Variants in ATP1B2 observed in about 807,000 individuals in gnomAD.
ATP1B2 encodes the protein ATPase Na+/K+ transporting subunit beta 2.
Under a neutral mutation model 37.3 loss-of-function variants are expected in ATP1B2, and 12 were observed. The ratio of observed to expected loss-of-function variants is 0.32; its 90% CI spans 0.21 to 0.52. The LOEUF is 0.52. Ranked by LOEUF, ATP1B2 falls within the 20% of genes least tolerant of loss-of-function variation. The probability of loss-of-function intolerance (pLI) is 0.96; values close to 1 mark genes in which losing one functional copy is unlikely to be tolerated. For missense variants in ATP1B2, 324 were observed against 391.6 expected (o/e 0.83, Z 1.46); for synonymous variants, 139 against 140.5 (o/e 0.99, Z 0.07).
chr17:7,653,338 C>T (rs767892080), intron 1 of ATP1B2, 36 bp from the exon 2 acceptor site: 1 of 1,612,992 alleles, frequency 6.2e-7, no homozygotes, highest in Non-Finnish European at 8.5e-7. Context: ...ATGGTGGGAA[C>T]CTTGGGCCCT....
Position 7,653,859 on chromosome 17 carries a change from A to C in ATP1B2, c.260A>C (p.Lys87Thr). 6.2e-7 allele frequency: 1 copy of C among 1,614,170 alleles called. No individual in the cohort carries two copies. Among genetic ancestry groups the C allele is most frequent in the East Asian group, 2.2e-5 (1 of 44,890 alleles). ...GCTGTAGGCTTGATGATTCGCCCCA[A>C]GACTGAGAACCTTGATGTCATTGTC... ...LATPGLMIRP[K>T]TENLDVIVNV... Residue 87 changes from lysine to threonine, a missense_variant, in exon 3 of 7, where the codon AAG becomes ACG. Lys to Thr is a moderately conservative substitution (Grantham distance 78, BLOSUM62 -1). Transcript: ENST00000250111.
upstream of ATP1B2, among the ~76,000 whole-genome samples, chr17:7,648,462 G>A (rs1031306335): frequency 4.7e-5 from 7 of 149,638 alleles, no homozygotes; most frequent in East Asian, 7.9e-4. Flanking sequence ...CCAGCTACCC[G>A]GGAGACTGAG....
In ATP1B2 at chr17:7,655,706, A is replaced by G; in HGVS notation, c.709-25A>G. ...GGAGGCCGCGTTGCCCCAGGCCTAG[A>G]CCCTGCACTGCTCCTCCGGCCCAGG... On this transcript the variant is annotated intron_variant, in intron 6 of 6. Transcript: ENST00000250111. The surrounding 1 kb of genome is among the most constrained non-coding windows in gnomAD (Gnocchi z 4.4). 6.2e-7 allele frequency: 1 copy of G among 1,613,884 alleles called. No individual in the cohort carries two copies.
In ATP1B2 at chr17:7,655,021, TCCC is replaced by T. The variant is rs2150978524; in HGVS notation, c.609+338_609+340del. 6.6e-6 allele frequency among the ~76,000 whole-genome samples: 1 copy of T among 152,126 alleles called. No individual in the cohort carries two copies. The highest frequency in any genetic ancestry group is 2.1e-4 in the South Asian group (1 of 4,804). ...GATTGTCCGTATCGTTCGCTCTCCC[TCCC>T]ATATGGCCCCCACCCGTCAGTTCCT... is the stretch of plus-strand genomic sequence containing the variant. On this transcript the variant is annotated intron_variant, in intron 5 of 6. Transcript: ENST00000250111. This position sits in a 1 kb window ranked among gnomAD's most constrained non-coding sequence, Gnocchi z 4.4.
Position 7,654,111 on chromosome 17 carries a change from G to A in ATP1B2, c.406G>A (p.Glu136Lys), listed in dbSNP as rs139562417. Residue 136 changes from glutamate to lysine, a missense_variant, in exon 4 of 7, where the codon GAA (glutamate) becomes AAA (lysine). By Grantham distance (56) the Glu-to-Lys change is moderately conservative. Transcript: ENST00000250111. The surrounding 1 kb of genome is among the most constrained non-coding windows in gnomAD (Gnocchi z 4.9). ...TGTCTGCCGCCCTGGACGCTATTAC[G>A]AACAGCCAGATAATGGAGTCCTCAA... ...NDVCRPGRYY[E>K]QPDNGVLNYP... is the part of the protein sequence containing the mutation. 1.2e-4 allele frequency: 198 copies of A among 1,614,012 alleles called. 1 individual carries two copies. Among genetic ancestry groups the A allele is most frequent in the East Asian group, 6.7e-5 (3 of 44,894 alleles).
upstream of ATP1B2, among the ~76,000 whole-genome samples, chr17:7,649,762 G>A (rs1301215877): frequency 6.6e-6 from 1 of 151,636 alleles, no homozygotes; most frequent in Non-Finnish European, 1.5e-5. Context: ...GTTTCACTGT[G>A]TTATCCAGGA....
chr17:7,654,106 A>G lies in ATP1B2; in HGVS notation c.401A>G (p.Tyr134Cys). 1 of 1,614,160 alleles carries G rather than the reference A, an allele frequency of 6.2e-7. No individual in the cohort carries two copies. Among genetic ancestry groups the G allele is most frequent in the Non-Finnish European group, 8.5e-7 (1 of 1,180,034 alleles). Residue 134 changes from tyrosine (Y) to cysteine (C), a missense_variant, in exon 4 of 7, where the codon TAT (tyrosine) becomes TGT (cysteine). Coordinates refer to ENST00000250111, the MANE Select transcript of ATP1B2 (RefSeq NM_001678.5). The surrounding 1 kb of genome is among the most constrained non-coding windows in gnomAD (Gnocchi z 4.9). ...QKNDVCRPGR[Y>C]YEQPDNGVLN... ...AATGATGTCTGCCGCCCTGGACGCT[A>G]TTACGAACAGCCAGATAATGGAGTC...
intron 1 of ATP1B2, among the ~76,000 whole-genome samples, chr17:7,652,311 AT>A (rs952519260): frequency 1.4e-5 from 2 of 141,178 alleles, no homozygotes; most frequent in Non-Finnish European, 3.1e-5. Flanking sequence ...CAGGCTGACC[AT>A]GGCAGGACTC....
rs1398504933 is a variant in ATP1B2 at position 7,655,635 on chromosome 17, A to AG, written c.708+14dup. On this transcript the variant is annotated intron_variant, in intron 6 of 6. Transcript: ENST00000250111. The surrounding 1 kb of genome is among the most constrained non-coding windows in gnomAD (Gnocchi z 4.4). The stretch of plus-strand genomic sequence containing the variant: ...TGGCAAAAAGTTCCACGTAAGTCCC[A>AG]GGGGAGGCCCAGGCTGATGGCGGGT... 2 of 1,614,150 alleles carry AG rather than the reference A, an allele frequency of 1.2e-6. No homozygotes were observed. The highest frequency in any genetic ancestry group is 1.7e-6 in the Non-Finnish European group (2 of 1,180,026).
rs776106709 is a variant in ATP1B2, at chr17:7,654,100, G to A, written c.395G>A (p.Gly132Glu). 3 of 1,614,154 alleles carry A rather than the reference G, an allele frequency of 1.9e-6. No homozygotes were observed. The South Asian group carries it at 3.3e-5, about 18-fold the overall frequency. The change falls in exon 4 of 7, where the codon GGA (glycine) becomes GAA (glutamate). Residue 132 changes from glycine (G) to glutamate (E), a missense_variant. By Grantham distance (98) the Gly-to-Glu change is moderately conservative (BLOSUM62 -2). Transcript: ENST00000250111. This position sits in a 1 kb window ranked among gnomAD's most constrained non-coding sequence, Gnocchi z 4.9. ...QAQKNDVCRP[G>E]RYYEQPDNGV... ...CAAAAGAATGATGTCTGCCGCCCTGGACGCTATTACGAACAGCCAGATAAT... is the reference window on the plus strand; with the variant it reads ...CAAAAGAATGATGTCTGCCGCCCTGAACGCTATTACGAACAGCCAGATAAT...
At position 7,651,655 on chromosome 17, in the gene ATP1B2, G is replaced by A. The variant is rs746842096; in HGVS notation, c.112+25G>A. On this transcript the variant is annotated intron_variant, in intron 1 of 6. Coordinates refer to ENST00000250111, the MANE Select transcript of ATP1B2 (RefSeq NM_001678.5). ...GGTACGCAGGGCCGGCACGCAAGGGGCGGGGGAAAGCCGCGGGGCGACGCC... is the reference window on the plus strand; with the variant it reads ...GGTACGCAGGGCCGGCACGCAAGGGACGGGGGAAAGCCGCGGGGCGACGCC... 6.3e-4 allele frequency: 991 copies of A among 1,561,054 alleles called. 1 individual carries two copies. Among genetic ancestry groups the A allele is most frequent in the Non-Finnish European group, 8.2e-4 (945 of 1,154,730 alleles).
upstream of ATP1B2, among the ~76,000 whole-genome samples, chr17:7,647,916 C>G (rs1316057404): frequency 6.6e-6 from 1 of 152,014 alleles, no homozygotes; most frequent in Non-Finnish European, 1.5e-5. Flanking sequence ...CCCCAACTAC[C>G]TGGAGGCTGA....
intron 3 of ATP1B2, 22 bp downstream of exon 3, chr17:7,653,967 T>C: frequency 6.2e-7 from 1 of 1,613,916 alleles, no homozygotes; most frequent in Non-Finnish European, 8.5e-7. Context: ...CCTGGTTATG[T>C]GTCAGTTCAA....
upstream of ATP1B2, among the ~76,000 whole-genome samples, chr17:7,650,915 C>T (rs1283689511): frequency 6.6e-6 from 1 of 152,162 alleles, no homozygotes; most frequent in Non-Finnish European, 1.5e-5. Flanking sequence ...CGCTCGGCGA[C>T]CGCGGGCCTC....
At chr17:7,653,572 CAT>C (rs1190750246) in intron 2 of ATP1B2, 70 bp downstream of exon 2, 8 of 1,578,724 alleles carry the variant, frequency 5.1e-6, no homozygotes, top group Non-Finnish European at 6.9e-6. Flanking sequence ...AGAAGGAACT[CAT>C]AGTTCCTTCC....
upstream of ATP1B2, among the ~76,000 whole-genome samples, chr17:7,648,218 T>C (rs1295985476): frequency 2.0e-5 from 3 of 151,980 alleles, no homozygotes; most frequent in African/African-American, 7.2e-5. Flanking sequence ...CCAGTCTGGG[T>C]GACATAGCAA....
chr17:7,654,528 C>T lies in ATP1B2; in HGVS notation c.553-100C>T, dbSNP rs2072636681. ...TAAGCTATCCTCCCGCCTCAACCTC[C>T]CTAGTAGTTGGGACTACAGTCCCCG... is the stretch of plus-strand genomic sequence containing the variant. On this transcript the variant is annotated intron_variant, in intron 4 of 6. Transcript: ENST00000250111. The surrounding 1 kb of genome is among the most constrained non-coding windows in gnomAD (Gnocchi z 4.9). 4 of 1,311,482 alleles carry T rather than the reference C, an allele frequency of 3.0e-6. No individual in the cohort carries two copies. Among genetic ancestry groups the T allele is most frequent in the African/African-American group, 2.9e-5 (2 of 68,658 alleles). 81.2% of individuals were successfully genotyped at this position (1,311,482 alleles called of 1,614,324 possible).
Position 7,654,023 on chromosome 17 carries a change from C to T in ATP1B2, c.347-29C>T, listed in dbSNP as rs1462695842. ...GGACCTTGGAAGTGGAACATCTGGC[C>T]CCTGAGTCTCTCCCTCCCACCTCTT... is the stretch of plus-strand genomic sequence containing the variant. On this transcript the variant is annotated intron_variant, in intron 3 of 6. Coordinates refer to ENST00000250111, the MANE Select transcript of ATP1B2 (RefSeq NM_001678.5). This position sits in a 1 kb window ranked among gnomAD's most constrained non-coding sequence, Gnocchi z 4.9. The T allele has an allele frequency of 6.2e-7, 1 of 1,613,464 alleles. No individual in the cohort carries two copies. Among genetic ancestry groups the T allele is most frequent in the Admixed American group, 1.7e-5 (1 of 59,996 alleles).
At chr17:7,650,842 A>C (rs1054498793), upstream of ATP1B2, among the ~76,000 whole-genome samples, 1 of 126,110 alleles carries the variant, frequency 7.9e-6, no homozygotes, top group Non-Finnish European at 1.7e-5. Context: ...AGTGGCGAGG[A>C]GGCGGAGCTT....
Sources: gnomAD v4.1 joint callset for allele counts (sites outside exome capture counted in the v4.1 genomes callset) on GRCh38, gnomAD v4.1.1 for gene constraint, Gnocchi (gnomAD v3.1) non-coding constraint, MANE v1.5 for transcripts, NCBI Gene and HGNC (gene_info 2026-07-23, HGNC 2026-07-21) for gene names.